COLEC12: variants seen among roughly 807,000 people sequenced by gnomAD.
The protein encoded by COLEC12 is collectin subfamily member 12, also known as collectin-12.
COLEC12 carries 33 observed loss-of-function variants against 71.1 expected under a neutral mutation model. The observed-to-expected ratio is 0.46, with a 90% confidence interval of 0.35 to 0.62. The LOEUF (loss-of-function observed/expected upper bound fraction) is 0.62, where lower values mean the gene tolerates loss of function less well. COLEC12 is among the 20% of genes least tolerant of loss of function. COLEC12 has a pLI of 0.00. For missense variants in COLEC12, 765 were observed against 916.1 expected (o/e 0.84, Z 2.13); for synonymous variants, 350 against 353.0 (o/e 0.99, Z 0.10).
intron 2 of COLEC12, among the ~76,000 whole-genome samples, chr18:369,385 C>CTTT (rs55923005): frequency 1.3e-4 from 18 of 136,230 alleles, no homozygotes; most frequent in East Asian, 6.4e-4. Context: ...TGATACAGAT[C>CTTT]TTTTTTTTTT....
Position 346,823 on chromosome 18 carries a change from T to A in COLEC12, c.799A>T (p.Thr267Ser). Residue 267 changes from threonine (T) to serine (S), a missense_variant, in exon 5 of 10, where the codon ACG becomes TCG. Transcript: ENST00000400256. The surrounding 1 kb of genome is among the most constrained non-coding windows in gnomAD (Gnocchi z 4.0). ...WLKEKVQSLQTLAANNSALAK... is the reference protein window; with the variant it reads ...WLKEKVQSLQSLAANNSALAK... ...AACGCAGAGTTGTTGGCAGCCAGCG[T>A]CTGCAAGCTCTGCACTTTCTCCTTC... 6.2e-7 allele frequency: 1 copy of A among 1,614,148 alleles called. No individual in the cohort carries two copies. The highest frequency in any genetic ancestry group is 8.5e-7 in the Non-Finnish European group (1 of 1,179,964).
Position 385,416 on chromosome 18 carries a change from C to T in COLEC12, c.59-27894G>A, listed in dbSNP as rs192424511. On this transcript the variant is annotated intron_variant, in intron 2 of 9. Transcript: ENST00000400256. ...CTCGGCTCACTGCAACCTCCACCTC[C>T]CGGGCTCAAGCGATTCTCCTGCCTC... is the stretch of plus-strand genomic sequence containing the variant. 2.0e-5 allele frequency among the ~76,000 whole-genome samples: 3 copies of T among 150,766 alleles called. No homozygotes were observed. The Admixed American group carries it at 2.0e-4, about 10-fold the overall frequency.
chr18:492,100 T>C (rs1917629918), intron 1 of COLEC12, among the ~76,000 whole-genome samples: 1 of 152,210 alleles, frequency 6.6e-6, no homozygotes, highest in South Asian at 2.1e-4. Flanking sequence ...TTTAAATACT[T>C]GTAGATTATT....
At chr18:451,645 G>T (rs1916763100) in intron 2 of COLEC12, among the ~76,000 whole-genome samples, 1 of 152,072 alleles carries the variant, frequency 6.6e-6, no homozygotes, top group Non-Finnish European at 1.5e-5. Flanking sequence ...TACTCAGGAG[G>T]TTGAGGCAGG....
chr18:497,071 C>T (rs761479347), intron 1 of COLEC12, among the ~76,000 whole-genome samples: 16 of 152,078 alleles, frequency 1.1e-4, no homozygotes, highest in Middle Eastern at 3.2e-3. Flanking sequence ...ACTGCAGCAA[C>T]GGGGAAAGTC....
intron 2 of COLEC12, among the ~76,000 whole-genome samples, chr18:470,047 T>C (rs902480127): frequency 6.6e-6 from 1 of 152,140 alleles, no homozygotes; most frequent in Non-Finnish European, 1.5e-5. Context: ...TAAGTATTCA[T>C]ATTTCCCCTC....
intron 1 of COLEC12, among the ~76,000 whole-genome samples, chr18:484,380 C>T (rs1434208793): frequency 6.6e-6 from 1 of 152,200 alleles, no homozygotes; most frequent in Non-Finnish European, 1.5e-5. Context: ...GGGTTCCCTG[C>T]TTCTCATCTT....
rs186660807 is a variant in COLEC12, at chr18:400,715, A to C, written c.59-43193T>G. Among the ~76,000 whole-genome samples, 253 of 152,324 alleles carry C rather than the reference A, an allele frequency of 1.7e-3. 2 individuals carry two copies. The highest frequency in any genetic ancestry group is 5.6e-3 in the African/African-American group (233 of 41,580). On this transcript the variant is annotated intron_variant, in intron 2 of 9. Coordinates refer to ENST00000400256, the MANE Select transcript of COLEC12 (RefSeq NM_130386.3). Reference sequence around the variant, plus strand: ...TTTATGACTGTTGGAATGTGTCTTCAATCATCACAGAAATGCCTGAGCACA... The same window carrying C: ...TTTATGACTGTTGGAATGTGTCTTCCATCATCACAGAAATGCCTGAGCACA...
chr18:495,045 T>C (rs1368623545), intron 1 of COLEC12, among the ~76,000 whole-genome samples: 12 of 152,234 alleles, frequency 7.9e-5, no homozygotes, highest in African/African-American at 1.2e-4. Context: ...TAGGATCTCT[T>C]TGGAATCTTA....
chr18:492,737 G>A (rs1000828950), intron 1 of COLEC12, among the ~76,000 whole-genome samples: 8 of 151,732 alleles, frequency 5.3e-5, no homozygotes, highest in African/African-American at 1.5e-4. Flanking sequence ...ACACCGATAC[G>A]TCTTTTTGTT....
intron 1 of COLEC12, among the ~76,000 whole-genome samples, chr18:481,799 T>C (rs1463848091): frequency 6.6e-6 from 1 of 152,178 alleles, no homozygotes; most frequent in Non-Finnish European, 1.5e-5. Context: ...GATTCCTTAT[T>C]ACATCTCTAA....
At chr18:494,135 T>C (rs887554223) in intron 1 of COLEC12, among the ~76,000 whole-genome samples, 1 of 152,352 alleles carries the variant, frequency 6.6e-6, no homozygotes, top group Non-Finnish European at 1.5e-5. Context: ...TTTATGATGA[T>C]AGCAGTGACG....
At chr18:460,252 G>A (rs553143746) in intron 2 of COLEC12, among the ~76,000 whole-genome samples, 1 of 151,874 alleles carries the variant, frequency 6.6e-6, no homozygotes, top group East Asian at 1.9e-4. Context: ...CATTCGGAAT[G>A]GGCCACAAGA....
rs146792372 is a variant in COLEC12 at position 348,928 on chromosome 18, G to A, written c.182-765C>T. Among the ~76,000 whole-genome samples the A allele has an allele frequency of 3.9e-5, 6 of 152,346 alleles. No homozygotes were observed. The East Asian group carries it at 1.2e-3, about 29-fold the overall frequency. ...AATTATACTCCCCTAATTCCCATGT[G>A]TTGTGGGAGGGACTTGGTGGGAGAT... On this transcript the variant is annotated intron_variant, in intron 3 of 9. Coordinates refer to ENST00000400256, the MANE Select transcript of COLEC12 (RefSeq NM_130386.3).
intron 1 of COLEC12, among the ~76,000 whole-genome samples, chr18:493,229 C>T (rs1276213113): frequency 1.3e-5 from 2 of 152,254 alleles, no homozygotes; most frequent in East Asian, 1.9e-4. Context: ...CACTCACCAC[C>T]GCACCCATTA....
Position 351,714 on chromosome 18 carries a change from C to G in COLEC12, c.182-3551G>C, listed in dbSNP as rs980350818. Among the ~76,000 whole-genome samples the G allele has an allele frequency of 3.9e-5, 6 of 152,106 alleles. No individual in the cohort carries two copies. In the East Asian group the frequency reaches 5.8e-4, roughly 15 times the overall value. ...TCCCGAGTAGCTGGGATTACAGGAG[C>G]CTGTTACCACGCCCGGCTAATTTTT... is the stretch of plus-strand genomic sequence containing the variant. On this transcript the variant is annotated intron_variant, in intron 3 of 9. Coordinates refer to ENST00000400256, the MANE Select transcript of COLEC12 (RefSeq NM_130386.3).
intron 1 of COLEC12, among the ~76,000 whole-genome samples, chr18:488,976 A>T (rs1400685024): frequency 6.6e-6 from 1 of 152,194 alleles, no homozygotes; most frequent in Non-Finnish European, 1.5e-5. Context: ...GCACTGGAGG[A>T]GTAAGTGAAC....
chr18:389,351 T>C (rs927874987), intron 2 of COLEC12, among the ~76,000 whole-genome samples: 1 of 151,232 alleles, frequency 6.6e-6, no homozygotes, highest in East Asian at 2.0e-4. Context: ...CGATCTCGGC[T>C]CACTGCAAGC....
At position 450,317 on chromosome 18, in the gene COLEC12, G is replaced by A. The variant is rs537467000; in HGVS notation, c.58+30390C>T. On this transcript the variant is annotated intron_variant, in intron 2 of 9. Coordinates refer to ENST00000400256, the MANE Select transcript of COLEC12 (RefSeq NM_130386.3). ...CGATTTGTAATCCCCAATGTTGAGG[G>A]GGGGCCTGCTGGGAGGAGTGACTGG... Among the ~76,000 whole-genome samples the A allele has an allele frequency of 8.5e-5, 13 of 152,272 alleles. No individual in the cohort carries two copies. In the East Asian group the frequency reaches 2.3e-3, roughly 27 times the overall value.
Sources: gnomAD v4.1 joint callset for allele counts (sites outside exome capture counted in the v4.1 genomes callset) on GRCh38, gnomAD v4.1.1 for gene constraint, Gnocchi (gnomAD v3.1) non-coding constraint, MANE v1.5 for transcripts, NCBI Gene and HGNC (gene_info 2026-07-23, HGNC 2026-07-21) for gene names.